PIK3AP1: variants seen among roughly 807,000 people sequenced by gnomAD.
The protein encoded by PIK3AP1 is phosphoinositide 3-kinase adapter protein 1.
A neutral mutation model predicts 88.1 loss-of-function variants in PIK3AP1; 21 were observed. The observed-to-expected ratio is 0.24, with a 90% confidence interval of 0.17 to 0.34. The LOEUF is 0.34. Among genes scored for constraint, PIK3AP1 ranks in the 10% least tolerant of loss-of-function variants. The pLI is 1.00. For synonymous variants in PIK3AP1, 398 were observed against 400.0 expected (o/e 1.00, Z 0.06); for missense variants, 828 against 1,035.7 (o/e 0.80, Z 2.75).
intron 13 of PIK3AP1, among the ~76,000 whole-genome samples, chr10:96,611,227 C>T (rs1392809834): frequency 2.0e-5 from 3 of 152,192 alleles, no homozygotes; most frequent in African/African-American, 7.2e-5. Flanking sequence ...ACTCCGGCTC[C>T]AGGTGTAGTG....
At chr10:96,630,231 G>A (rs1317583859) in intron 8 of PIK3AP1, among the ~76,000 whole-genome samples, 3 of 152,034 alleles carry the variant, frequency 2.0e-5, no homozygotes, top group Admixed American at 6.6e-5. Flanking sequence ...TAGTGGACGC[G>A]TTACATAAAT....
chr10:96,616,764 G>A, intron 12 of PIK3AP1, 53 bp from the exon 13 acceptor site: 1 of 1,509,300 alleles, frequency 6.6e-7, no homozygotes, highest in Non-Finnish European at 9.2e-7. Flanking sequence ...GATACCCTCT[G>A]GACATGAGAG....
At chr10:96,640,445 C>T (rs1843369121) in intron 8 of PIK3AP1, among the ~76,000 whole-genome samples, 1 of 152,096 alleles carries the variant, frequency 6.6e-6, no homozygotes, top group Admixed American at 6.5e-5. Flanking sequence ...AAATTAATTA[C>T]CTAGGTCCAG....
At position 96,623,473 on chromosome 10, in the gene PIK3AP1, T is replaced by G; in HGVS notation, c.1734A>C (p.Lys578Asn). 1 of 1,610,140 alleles carries G rather than the reference T, an allele frequency of 6.2e-7. No individual in the cohort carries two copies. Among genetic ancestry groups the G allele is most frequent in the Non-Finnish European group, 8.5e-7 (1 of 1,176,694 alleles). ...NFYVSSESIRKGPPVRPWRDR... is the reference protein window; with the variant it reads ...NFYVSSESIRNGPPVRPWRDR... ...CAGTTCATATAACACATGGCTTACCTTTCCTGATGCTCTCTGAGGAAACGT... is the reference window on the plus strand; with the variant it reads ...CAGTTCATATAACACATGGCTTACCGTTCCTGATGCTCTCTGAGGAAACGT... Residue 578 changes from lysine (K) to asparagine (N), a missense_variant and splice_region_variant, in exon 11 of 17, where the codon AAA (lysine) becomes AAC (asparagine). By Grantham distance (94) the Lys-to-Asn change is moderately conservative. Around this residue, in one of 3 missense-constraint regions of PIK3AP1, gnomAD observed 610 missense variants for 760.1 expected, o/e 0.80. Coordinates refer to ENST00000339364, the MANE Select transcript of PIK3AP1 (RefSeq NM_152309.3).
At chr10:96,717,493 C>G (rs1295202292) in intron 1 of PIK3AP1, among the ~76,000 whole-genome samples, 1 of 152,018 alleles carries the variant, frequency 6.6e-6, no homozygotes, top group Non-Finnish European at 1.5e-5. Flanking sequence ...GCTTCCCACC[C>G]CAGAAGTTGT....
intron 2 of PIK3AP1, among the ~76,000 whole-genome samples, chr10:96,672,082 CT>C (rs1342103186): frequency 6.6e-6 from 1 of 152,158 alleles, no homozygotes; most frequent in East Asian, 1.9e-4. Flanking sequence ...GTCACACTGT[CT>C]CCCTGGAAAC....
At chr10:96,599,788 A>G (rs907390967) in intron 16 of PIK3AP1, among the ~76,000 whole-genome samples, 4 of 152,168 alleles carry the variant, frequency 2.6e-5, no homozygotes, top group Non-Finnish European at 5.9e-5. Flanking sequence ...AGTTCTATCA[A>G]TTACAAACTG....
Position 96,651,310 on chromosome 10 carries a change from A to G in PIK3AP1, c.926T>C (p.Ile309Thr). ...KLLTESLKNN[I>T]PASGLHLFGI... Reference sequence around the variant, plus strand: ...AAAGAGGTGCAGTCCGCTTGCAGGGATATTGTTCTTCAGGGATTCGGTTAG... The same window carrying G: ...AAAGAGGTGCAGTCCGCTTGCAGGGGTATTGTTCTTCAGGGATTCGGTTAG... The change falls in exon 6 of 17, where the codon ATC becomes ACC. Residue 309 changes from isoleucine to threonine, a missense_variant. Coordinates refer to ENST00000339364, the MANE Select transcript of PIK3AP1 (RefSeq NM_152309.3). 6 of 1,614,122 alleles carry G rather than the reference A, an allele frequency of 3.7e-6. No individual in the cohort carries two copies. The highest frequency in any genetic ancestry group is 5.1e-6 in the Non-Finnish European group (6 of 1,180,006).
chr10:96,619,870 C>T (rs1052322859), intron 12 of PIK3AP1, among the ~76,000 whole-genome samples: 3 of 152,124 alleles, frequency 2.0e-5, no homozygotes, highest in Admixed American at 6.5e-5. Context: ...TGTGTGTGGA[C>T]GTGTCTGAGT....
At chr10:96,615,006 T>C (rs747390174) in intron 13 of PIK3AP1, among the ~76,000 whole-genome samples, 3 of 152,140 alleles carry the variant, frequency 2.0e-5, no homozygotes, top group Non-Finnish European at 4.4e-5. Flanking sequence ...AAGTGAGTCG[T>C]GGAGGGCTAC....
intron 1 of PIK3AP1, among the ~76,000 whole-genome samples, chr10:96,715,459 C>T (rs1844489348): frequency 1.3e-5 from 2 of 152,148 alleles, no homozygotes; most frequent in Non-Finnish European, 2.9e-5. Flanking sequence ...TATCAGTTAA[C>T]TAATTGTCAC....
intron 2 of PIK3AP1, among the ~76,000 whole-genome samples, chr10:96,673,473 G>A (rs1435729146): frequency 6.6e-6 from 1 of 152,082 alleles, no homozygotes; most frequent in Non-Finnish European, 1.5e-5. Context: ...CCCCAGTGTT[G>A]CTAACAAAGC....
chr10:96,638,903 T>A (rs1030445283), intron 8 of PIK3AP1, among the ~76,000 whole-genome samples: 7 of 152,164 alleles, frequency 4.6e-5, no homozygotes, highest in African/African-American at 1.7e-4. Context: ...TGACTCATCA[T>A]CACCTGGCAC....
chr10:96,696,857 T>C (rs1844228035), intron 2 of PIK3AP1, among the ~76,000 whole-genome samples: 1 of 152,212 alleles, frequency 6.6e-6, no homozygotes, highest in Non-Finnish European at 1.5e-5. Context: ...CTGAAGTGAA[T>C]ACACTACCAT....
intron 1 of PIK3AP1, among the ~76,000 whole-genome samples, chr10:96,711,739 ATTTTTTTTTTT>A (rs763923650): frequency 2.1e-4 from 14 of 66,450 alleles, no homozygotes; most frequent in African/African-American, 7.0e-4. Flanking sequence ...AGATTACCAA[ATTTTTTTTTTT>A]TTTTTTTTTT....
In PIK3AP1 at chr10:96,651,513, C is replaced by T; in HGVS notation, c.851G>A (p.Cys284Tyr). 1 of 1,614,200 alleles carries T rather than the reference C, an allele frequency of 6.2e-7. No individual in the cohort carries two copies. The highest frequency in any genetic ancestry group is 8.5e-7 in the Non-Finnish European group (1 of 1,180,030). The part of the protein sequence containing the change: ...SNAANPVEFM[C>Y]QAFKIVPYNT... ...GTTTCCTTGTAATATCCTTACCTGA[C>T]ACATGAATTCCACAGGATTCGCGGC... The change falls in exon 5 of 17, where the codon TGT becomes TAT. Residue 284 changes from cysteine to tyrosine, a missense_variant. Coordinates refer to ENST00000339364, the MANE Select transcript of PIK3AP1 (RefSeq NM_152309.3).
At chr10:96,713,268 C>A (rs1299357027) in intron 1 of PIK3AP1, among the ~76,000 whole-genome samples, 1 of 151,158 alleles carries the variant, frequency 6.6e-6, no homozygotes, top group Non-Finnish European at 1.5e-5. Context: ...TAGGCCGAGG[C>A]AGGCAGATCA....
intron 8 of PIK3AP1, among the ~76,000 whole-genome samples, chr10:96,643,250 C>G (rs1041204898): frequency 1.3e-5 from 2 of 152,166 alleles, no homozygotes; most frequent in African/African-American, 2.4e-5. Flanking sequence ...CAAAAGGAAC[C>G]ACGACTAAAA....
chr10:96,644,297 C>T (rs11188872), intron 8 of PIK3AP1, among the ~76,000 whole-genome samples: 57,679 of 152,106 alleles, frequency 0.38, 11,907 homozygotes, highest in Non-Finnish European at 0.47. Flanking sequence ...TAGACATACA[C>T]ATAAGTTTTA....
Sources: gnomAD v4.1 joint callset for allele counts (sites outside exome capture counted in the v4.1 genomes callset) on GRCh38, gnomAD v4.1.1 for gene constraint, gnomAD v4.1.1 regional missense constraint, MANE v1.5 for transcripts, NCBI Gene and HGNC (gene_info 2026-07-23, HGNC 2026-07-21) for gene names.